NEB: variants seen among roughly 807,000 people sequenced by gnomAD.
NEB encodes nebulin.
Under a neutral mutation model 952.2 loss-of-function variants are expected in NEB, and 512 were observed. That is an observed-to-expected ratio of 0.54 (90% CI 0.50 to 0.58). The LOEUF (loss-of-function observed/expected upper bound fraction) is 0.58. Among genes scored for constraint, NEB ranks in the 20% least tolerant of loss-of-function variants. NEB has a pLI of 0.00. For missense variants in NEB, 8,428 were observed against 9,231.1 expected (o/e 0.91, Z 3.56); for synonymous variants, 2,900 against 3,149.8 (o/e 0.92, Z 2.66).
intron 129 of NEB, among the ~76,000 whole-genome samples, chr2:151,550,278 A>C (rs1044777516): frequency 1.3e-4 from 20 of 151,844 alleles, no homozygotes; most frequent in East Asian, 1.2e-3. Context: ...AAAAAAAAAA[A>C]AAAAAAAAAA....
At chr2:151,519,140 GAGAT>G (rs2080184752) in intron 154 of NEB, 71 bp from the exon 155 acceptor site, 4 of 934,326 alleles carry the variant, frequency 4.3e-6, no homozygotes, top group Middle Eastern at 4.2e-4. Flanking sequence ...AAATCAAAGT[GAGAT>G]AGCCCATCGT....
chr2:151,656,279 C>T lies in NEB; in HGVS notation c.6369G>A (p.Thr2123=), dbSNP rs540542570. ...TGTTGGCTTGGGCATCCTTTGCAGCCGTGACACTGAGCATGTCGGCAGGGG... is the reference window on the plus strand; with the variant it reads ...TGTTGGCTTGGGCATCCTTTGCAGCTGTGACACTGAGCATGTCGGCAGGGG... ...YHTPADMLSV[T]AAKDAQANIT... Residue 2123 remains threonine, a synonymous_variant, in exon 49 of 182, where the codon ACG becomes ACA. Coordinates refer to ENST00000397345, the MANE Select transcript of NEB (RefSeq NM_001164508.2). 3.5e-4 allele frequency: 558 copies of T among 1,613,342 alleles called. No individual in the cohort carries two copies. Among genetic ancestry groups the T allele is most frequent in the Non-Finnish European group, 4.4e-4 (519 of 1,179,630 alleles).
Position 151,690,911 on chromosome 2 carries a change from C to G in NEB, c.2212-86G>C, listed in dbSNP as rs555968605. 49 of 978,116 alleles carry G rather than the reference C, an allele frequency of 5.0e-5. No individual in the cohort carries two copies. In the African/African-American group the frequency reaches 7.8e-4, roughly 16 times the overall value. The allele number at this position is 978,116 out of a possible 1,614,324, so 60.6% of individuals were successfully genotyped here. A position where few individuals can be genotyped will look rare whatever the true frequency, so the allele number is the denominator to read the frequency against. On this transcript the variant is annotated intron_variant, in intron 23 of 181. Coordinates refer to ENST00000397345, the MANE Select transcript of NEB (RefSeq NM_001164508.2). ...CATAAAAAATGGTTCCAGGTCAAAA[C>G]AGAGTTTATTTTGTTCCTGAAAACT...
At chr2:151,545,364 T>C (rs1024659050) in intron 135 of NEB, among the ~76,000 whole-genome samples, 1 of 151,768 alleles carries the variant, frequency 6.6e-6, no homozygotes, top group South Asian at 2.1e-4. Context: ...TCACCTGAGG[T>C]TGGGAGTTCG....
At chr2:151,682,137 A>G (rs569104377) in intron 29 of NEB, among the ~76,000 whole-genome samples, 1 of 152,322 alleles carries the variant, frequency 6.6e-6, no homozygotes, top group Non-Finnish European at 1.5e-5. Flanking sequence ...CAGATACAAA[A>G]TAAATTTCTA....
chr2:151,692,559 A>C, intron 20 of NEB, 197 bp from the exon 21 acceptor site: 1 of 614,720 alleles, frequency 1.6e-6, no homozygotes. Flanking sequence ...GCTAATAATC[A>C]TGAAGATGTT....
intron 79 of NEB, 26 bp downstream of exon 79, chr2:151,610,736 T>G (rs1303549942): frequency 7.5e-6 from 12 of 1,594,864 alleles, no homozygotes; most frequent in Non-Finnish European, 1.0e-5. Context: ...ATCTTAGGTT[T>G]AAGCAACAAT....
intron 62 of NEB, 59 bp from the exon 63 acceptor site, chr2:151,639,443 AT>A: frequency 8.1e-7 from 1 of 1,236,550 alleles, no homozygotes; most frequent in Non-Finnish European, 1.1e-6. Flanking sequence ...GTTAATAGGA[AT>A]TTTAGGGCCA....
intron 41 of NEB, among the ~76,000 whole-genome samples, chr2:151,665,806 A>G (rs1248013195): frequency 6.6e-6 from 1 of 152,236 alleles, no homozygotes. Flanking sequence ...AGAATTTTGC[A>G]CTGGAAGGAA....
At chr2:151,640,327 G>A in intron 61 of NEB, 28 bp downstream of exon 61, 1 of 1,606,254 alleles carries the variant, frequency 6.2e-7, no homozygotes, top group African/African-American at 1.3e-5. Flanking sequence ...TCCCACCTCT[G>A]CACGTTATTA....
At chr2:151,653,970 T>A in intron 52 of NEB, 22 bp downstream of exon 52, 1 of 1,517,450 alleles carries the variant, frequency 6.6e-7, no homozygotes, top group Non-Finnish European at 9.1e-7. Context: ...TATAGCCTTA[T>A]AGAACTCAAA....
chr2:151,620,770 T>C, intron 72 of NEB, 149 bp downstream of exon 72: 1 of 580,550 alleles, frequency 1.7e-6, no homozygotes, highest in East Asian at 2.8e-5. Flanking sequence ...ATGCTTGTGA[T>C]CTTGGGCAAG....
At chr2:151,488,204 T>C (rs2152713971) in intron 181 of NEB, among the ~76,000 whole-genome samples, 1 of 152,284 alleles carries the variant, frequency 6.6e-6, no homozygotes, top group East Asian at 1.9e-4. Flanking sequence ...TTAATATTTT[T>C]GTTATGTATG....
intron 167 of NEB, 76 bp downstream of exon 167, chr2:151,502,717 A>T: frequency 1.2e-6 from 1 of 806,384 alleles, no homozygotes; most frequent in Non-Finnish European, 2.0e-6. Flanking sequence ...TGAATTTAGT[A>T]ATTTTACATT....
intron 153 of NEB, 105 bp downstream of exon 153, chr2:151,524,206 C>G (rs1230224204): frequency 2.1e-6 from 2 of 951,758 alleles, no homozygotes; most frequent in African/African-American, 1.6e-5. Flanking sequence ...AGTACTATTA[C>G]AGACCCAGCA....
rs368242921 is a variant in NEB at position 151,547,558 on chromosome 2, A to G, written c.20263-25T>C. The G allele has an allele frequency of 1.5e-5, 24 of 1,599,006 alleles. No homozygotes were observed. The African/African-American group carries it at 2.7e-4, about 18-fold the overall frequency. On this transcript the variant is annotated intron_variant, in intron 132 of 181. Coordinates refer to ENST00000397345, the MANE Select transcript of NEB (RefSeq NM_001164508.2). ...ACTAAAGAAAAAAAAATACCCCAAAACATATGTATTAGAGACCGAATGATT... is the reference window on the plus strand; with the variant it reads ...ACTAAAGAAAAAAAAATACCCCAAAGCATATGTATTAGAGACCGAATGATT...
intron 69 of NEB, 36 bp from the exon 70 acceptor site, chr2:151,627,241 A>G (rs1225843392): frequency 1.3e-5 from 20 of 1,587,886 alleles, no homozygotes; most frequent in Non-Finnish European, 1.7e-5. Context: ...GTATTACTGA[A>G]GTTGTTTTAA....
intron 85 of NEB, among the ~76,000 whole-genome samples, chr2:151,604,273 G>A (rs1224948781): frequency 1.7e-5 from 2 of 116,304 alleles, no homozygotes; most frequent in Admixed American, 1.5e-4. Context: ...TATGAAATAT[G>A]TATATGATTA....
chr2:151,709,005 A>C (rs111635736), intron 12 of NEB, among the ~76,000 whole-genome samples: 2,414 of 152,328 alleles, frequency 0.016, 26 homozygotes, highest in Middle Eastern at 0.031. Context: ...CAGCATAGCC[A>C]AGGCCAGGGT....
Sources: gnomAD v4.1 joint callset for allele counts (sites outside exome capture counted in the v4.1 genomes callset) on GRCh38, gnomAD v4.1.1 for gene constraint, MANE v1.5 for transcripts, NCBI Gene and HGNC (gene_info 2026-07-23, HGNC 2026-07-21) for gene names.